Variants in PPM1E observed in about 807,000 individuals in gnomAD.
PPM1E encodes the protein protein phosphatase 1E.
PPM1E carries 20 observed loss-of-function variants against 65.9 expected under a neutral mutation model. The ratio of observed to expected loss-of-function variants is 0.30; its 90% CI spans 0.21 to 0.44. The LOEUF (loss-of-function observed/expected upper bound fraction) is 0.44. PPM1E is among the 20% of genes least tolerant of loss of function. The pLI is 1.00. For synonymous variants in PPM1E, 352 were observed against 374.9 expected, an observed-to-expected ratio of 0.94 and a Z score of 0.70; for missense variants, 713 against 953.1, an observed-to-expected ratio of 0.75 and a Z score of 3.32.
chr17:58,959,033 G>C (rs2029939199), intron 2 of PPM1E, among the ~76,000 whole-genome samples: 1 of 152,144 alleles, frequency 6.6e-6, no homozygotes, highest in Non-Finnish European at 1.5e-5. Flanking sequence ...AAGTAGGCCT[G>C]GTGTGGTGGC....
intron 1 of PPM1E, among the ~76,000 whole-genome samples, chr17:58,875,563 TAA>T (rs1413213944): frequency 2.0e-5 from 3 of 152,190 alleles, no homozygotes; most frequent in Non-Finnish European, 2.9e-5. Context: ...TTCAATTTGT[TAA>T]GAGTTTAATT....
chr17:58,802,065 C>T (rs1391486265), intron 1 of PPM1E, among the ~76,000 whole-genome samples: 1 of 152,120 alleles, frequency 6.6e-6, no homozygotes, highest in Non-Finnish European at 1.5e-5. Flanking sequence ...GCCTCCCCTT[C>T]AGTTTTATTG....
chr17:58,898,927 A>G (rs1475296446), intron 1 of PPM1E, among the ~76,000 whole-genome samples: 1 of 145,414 alleles, frequency 6.9e-6, no homozygotes, highest in Non-Finnish European at 1.5e-5. Context: ...CAAACACTGC[A>G]TGTTCTCACT....
chr17:58,890,101 A>G (rs2051327221), intron 1 of PPM1E, among the ~76,000 whole-genome samples: 1 of 152,236 alleles, frequency 6.6e-6, no homozygotes, highest in Admixed American at 6.5e-5. Context: ...GAGGAAATAG[A>G]GGGTTAGGTT....
At chr17:58,953,562 G>A (rs1030415241) in intron 1 of PPM1E, among the ~76,000 whole-genome samples, 5 of 152,080 alleles carry the variant, frequency 3.3e-5, no homozygotes, top group African/African-American at 1.2e-4. Flanking sequence ...CTTGAACATC[G>A]GGGATCAGAT....
At chr17:58,856,983 A>G (rs2050889553) in intron 1 of PPM1E, among the ~76,000 whole-genome samples, 1 of 152,220 alleles carries the variant, frequency 6.6e-6, no homozygotes, top group Non-Finnish European at 1.5e-5. Context: ...TTTACAGAAA[A>G]GTTGCAACAA....
intron 1 of PPM1E, among the ~76,000 whole-genome samples, chr17:58,806,841 A>C (rs921632158): frequency 2.0e-5 from 3 of 150,670 alleles, no homozygotes; most frequent in Non-Finnish European, 4.4e-5. Flanking sequence ...CTGGGACTAC[A>C]GGTGCGTGCC....
At chr17:58,931,407 G>A (rs1424528497) in intron 1 of PPM1E, among the ~76,000 whole-genome samples, 1 of 148,746 alleles carries the variant, frequency 6.7e-6, no homozygotes, top group African/African-American at 2.6e-5. Context: ...AGGAAGGAAG[G>A]GAGGGAGGGA....
At chr17:58,967,360 T>C (rs1217020386) in intron 3 of PPM1E, among the ~76,000 whole-genome samples, 1 of 152,194 alleles carries the variant, frequency 6.6e-6, no homozygotes, top group Non-Finnish European at 1.5e-5. Flanking sequence ...GATATGCTCA[T>C]ATAAGATGCA....
At chr17:58,931,774 C>T (rs530372826) in intron 1 of PPM1E, among the ~76,000 whole-genome samples, 3 of 152,204 alleles carry the variant, frequency 2.0e-5, no homozygotes, top group Admixed American at 2.0e-4. Flanking sequence ...GGTAAAAAGG[C>T]AACAGATGTT....
At chr17:58,968,340 C>G (rs1214020778) in intron 3 of PPM1E, among the ~76,000 whole-genome samples, 1 of 152,132 alleles carries the variant, frequency 6.6e-6, no homozygotes, top group Non-Finnish European at 1.5e-5. Context: ...CGGGATGATC[C>G]TTTGAGCCCA....
chr17:58,877,787 T>C (rs2051144460), intron 1 of PPM1E, among the ~76,000 whole-genome samples: 1 of 152,176 alleles, frequency 6.6e-6, no homozygotes, highest in Non-Finnish European at 1.5e-5. Context: ...TTCTAATTTT[T>C]TGTCTAAACT....
chr17:58,926,354 C>T (rs1264840067), intron 1 of PPM1E, among the ~76,000 whole-genome samples: 1 of 148,702 alleles, frequency 6.7e-6, no homozygotes, highest in African/African-American at 2.5e-5. Flanking sequence ...AAAAAAAAGG[C>T]AAAGTATTCT....
At chr17:58,785,461 TATA>T (rs2050090434) in intron 1 of PPM1E, 5 of 68,144 alleles carry the variant, frequency 7.3e-5, no homozygotes, top group African/African-American at 2.1e-4. Flanking sequence ...GGCTAATTTA[TATA>T]TATATATATA....
chr17:58,787,634 C>T (rs1190650030), intron 1 of PPM1E, among the ~76,000 whole-genome samples: 1 of 151,958 alleles, frequency 6.6e-6, no homozygotes, highest in Non-Finnish European at 1.5e-5. Flanking sequence ...TGGGGCCAGG[C>T]ACGGTGGCTC....
At chr17:58,838,551 A>T (rs2050685844) in intron 1 of PPM1E, among the ~76,000 whole-genome samples, 1 of 152,248 alleles carries the variant, frequency 6.6e-6, no homozygotes, top group South Asian at 2.1e-4. Flanking sequence ...AGAAACTCTC[A>T]TCTTTGCTGG....
rs778281769 is a variant in PPM1E at position 58,981,015 on chromosome 17, G to A, written c.2252G>A (p.Ser751Asn). The change falls in exon 7 of 7, where the codon AGC (serine) becomes AAC (asparagine). Residue 751 changes from serine (S) to asparagine (N), a missense_variant. By Grantham distance (46) the Ser-to-Asn change is conservative. This residue lies in a region of PPM1E where 286 missense variants were observed against 313.8 expected (regional missense o/e 0.91). Coordinates refer to ENST00000308249, the MANE Select transcript of PPM1E (RefSeq NM_014906.5). ...HDIPCPDLPW[S>N]YKIE ...ATTCCATGCCCAGATCTTCCTTGGA[G>A]CTATAAAATAGAATAATTTTTCTTT... 6.3e-7 allele frequency: 1 copy of A among 1,590,294 alleles called. No individual in the cohort carries two copies. Among genetic ancestry groups the A allele is most frequent in the Non-Finnish European group, 8.5e-7 (1 of 1,172,340 alleles).
At chr17:58,908,484 A>G (rs2051585351) in intron 1 of PPM1E, among the ~76,000 whole-genome samples, 1 of 151,008 alleles carries the variant, frequency 6.6e-6, no homozygotes, top group Non-Finnish European at 1.5e-5. Flanking sequence ...TTGTTGCCCA[A>G]GCAGGAGTGC....
At position 58,923,284 on chromosome 17, in the gene PPM1E, C is replaced by CAA. The variant is rs60557317; in HGVS notation, c.465-32348_465-32347dup. 4.6e-3 allele frequency among the ~76,000 whole-genome samples: 468 copies of CAA among 102,450 alleles called. 2 individuals carry two copies. Among genetic ancestry groups the CAA allele is most frequent in the Non-Finnish European group, 6.9e-3 (357 of 51,656 alleles). The allele number at this position is 102,450 out of a possible 152,430, so 67.2% of individuals were successfully genotyped here. On this transcript the variant is annotated intron_variant, in intron 1 of 6. Coordinates refer to ENST00000308249, the MANE Select transcript of PPM1E (RefSeq NM_014906.5). ...TGGGTGACAGAGTGAGACCCTATCTCAAAAAAAAAAAAAAAAAAGAAAGAA... is the reference window on the plus strand; with the variant it reads ...TGGGTGACAGAGTGAGACCCTATCTCAAAAAAAAAAAAAAAAAAAAGAAAGAA...
Sources: allele counts gnomAD v4.1 joint callset (sites outside exome capture counted in the v4.1 genomes callset), GRCh38; gene constraint gnomAD v4.1.1; regional missense constraint gnomAD v4.1.1; transcripts MANE v1.5; gene names NCBI Gene and HGNC (gene_info 2026-07-23, HGNC 2026-07-21).